The following PTPRD variants were observed in gnomAD, a reference collection of about 807,000 sequenced individuals.
PTPRD encodes receptor-type tyrosine-protein phosphatase delta.
PTPRD carries 34 observed loss-of-function variants against 214.5 expected under a neutral mutation model. The observed-to-expected ratio is 0.16, with a 90% CI of 0.12 to 0.21. PTPRD has a LOEUF of 0.21. Among genes scored for constraint, PTPRD ranks in the 10% least tolerant of loss-of-function variants. PTPRD has a pLI of 1.00. For synonymous variants in PTPRD, 1,128 were observed against 845.7 expected (o/e 1.33, Z -5.79); for missense variants, 2,545 against 2,398.7 (o/e 1.06, Z -1.27).
At chr9:8,332,831 G>T (rs1842800164) in intron 43 of PTPRD, among the ~76,000 whole-genome samples, 1 of 152,078 alleles carries the variant, frequency 6.6e-6, no homozygotes, top group Non-Finnish European at 1.5e-5. Flanking sequence ...ATTTGAAGAG[G>T]TCCTACTCCT....
chr9:8,691,339 G>T (rs1351686997), intron 12 of PTPRD, among the ~76,000 whole-genome samples: 2 of 151,472 alleles, frequency 1.3e-5, no homozygotes, highest in Non-Finnish European at 2.9e-5. Context: ...AACAATTTCT[G>T]AGGAGAGTGT....
chr9:8,945,400 C>G lies in PTPRD; in HGVS notation c.-104+73297G>C, dbSNP rs535640704. Reference sequence around the variant, plus strand: ...TCACCAAGACTTGTTCATCTTTTCACTTTTCCGTTTTTACTCTATTTCAAA... The same window carrying G: ...TCACCAAGACTTGTTCATCTTTTCAGTTTTCCGTTTTTACTCTATTTCAAA... On this transcript the variant is annotated intron_variant, in intron 11 of 45. Transcript: ENST00000381196. 1.5e-3 allele frequency among the ~76,000 whole-genome samples: 221 copies of G among 152,172 alleles called. 1 individual carries two copies. Among genetic ancestry groups the G allele is most frequent in the Non-Finnish European group, 2.2e-3 (148 of 67,976 alleles).
chr9:8,921,833 G>C (rs565648208), intron 11 of PTPRD, among the ~76,000 whole-genome samples: 2 of 152,054 alleles, frequency 1.3e-5, no homozygotes, highest in East Asian at 1.9e-4. Context: ...GCATAATCTT[G>C]GGGGAGCCAT....
intron 3 of PTPRD, among the ~76,000 whole-genome samples, chr9:10,269,032 C>T (rs7866465): frequency 0.051 from 7,830 of 152,170 alleles, 437 homozygotes; most frequent in East Asian, 0.14. Flanking sequence ...TCCCCTGGGA[C>T]AAAATCTCTA....
chr9:8,334,486 G>A (rs9695016), intron 43 of PTPRD, among the ~76,000 whole-genome samples: 6,126 of 106,204 alleles, frequency 0.058, 8 homozygotes, highest in East Asian at 0.14. Context: ...GTTCTTTGAA[G>A]CCAATGAGAA....
At chr9:9,977,731 G>T (rs976064129) in intron 4 of PTPRD, among the ~76,000 whole-genome samples, 3 of 152,102 alleles carry the variant, frequency 2.0e-5, no homozygotes, top group East Asian at 1.9e-4. Flanking sequence ...TTGTTATTTT[G>T]CTTTGAGTTA....
chr9:9,977,362 A>T (rs1209217608), intron 4 of PTPRD, among the ~76,000 whole-genome samples: 2 of 152,182 alleles, frequency 1.3e-5, no homozygotes, highest in Non-Finnish European at 2.9e-5. Flanking sequence ...ATACATTTAT[A>T]AATATAATGT....
chr9:9,818,915 C>CAAAA (rs58616042), intron 5 of PTPRD, among the ~76,000 whole-genome samples: 1 of 89,338 alleles, frequency 1.1e-5, no homozygotes, highest in African/African-American at 4.1e-5. Context: ...GACACTGTCT[C>CAAAA]AAAAAAAAAA....
At chr9:9,578,098 G>C (rs1018174933) in intron 7 of PTPRD, among the ~76,000 whole-genome samples, 7 of 138,640 alleles carry the variant, frequency 5.0e-5, no homozygotes, top group Admixed American at 1.5e-4. Flanking sequence ...TCTCTCATTT[G>C]TACTACTTAT....
chr9:8,446,950 T>G (rs2095755270), intron 34 of PTPRD, among the ~76,000 whole-genome samples: 2 of 152,214 alleles, frequency 1.3e-5, no homozygotes, highest in East Asian at 1.9e-4. Flanking sequence ...CTAAAATCTA[T>G]GCAGGCTGAA....
At chr9:8,451,562 T>C (rs189816973) in intron 33 of PTPRD, among the ~76,000 whole-genome samples, 121 of 152,324 alleles carry the variant, frequency 7.9e-4, no homozygotes, top group East Asian at 5.8e-4. Context: ...GTGTCTGTGC[T>C]ATGGGTCTTC....
chr9:10,052,658 A>C (rs1001957448), intron 3 of PTPRD, among the ~76,000 whole-genome samples: 3 of 152,180 alleles, frequency 2.0e-5, no homozygotes, highest in African/African-American at 7.2e-5. Context: ...CTAAGGTCAC[A>C]CAGCTAAAAA....
At chr9:10,440,925 T>A (rs904283569) in intron 2 of PTPRD, among the ~76,000 whole-genome samples, 1 of 151,776 alleles carries the variant, frequency 6.6e-6, no homozygotes, top group African/African-American at 2.4e-5. Context: ...AACCACTGAA[T>A]GTGAATCCCT....
intron 11 of PTPRD, among the ~76,000 whole-genome samples, chr9:8,869,849 C>G (rs2098264725): frequency 6.6e-6 from 1 of 152,062 alleles, no homozygotes. Context: ...TGAAGAAAGC[C>G]TCTAGCTGCT....
chr9:9,328,906 G>A (rs1424404702), intron 9 of PTPRD, among the ~76,000 whole-genome samples: 2 of 151,874 alleles, frequency 1.3e-5, no homozygotes, highest in Non-Finnish European at 2.9e-5. Context: ...CCAAAGTAAA[G>A]GGATTACAGG....
intron 8 of PTPRD, among the ~76,000 whole-genome samples, chr9:9,455,298 T>A (rs929296143): frequency 2.6e-5 from 4 of 151,542 alleles, no homozygotes; most frequent in Non-Finnish European, 5.9e-5. Context: ...TATTAATTTT[T>A]AAAAATATTA....
chr9:9,530,356 G>A (rs2075177152), intron 8 of PTPRD, among the ~76,000 whole-genome samples: 1 of 152,044 alleles, frequency 6.6e-6, no homozygotes, highest in Non-Finnish European at 1.5e-5. Context: ...ACTTTTATGA[G>A]CAACTATACA....
chr9:9,164,847 TACTAAAAC>T (rs781094177), intron 10 of PTPRD, among the ~76,000 whole-genome samples: 5 of 109,332 alleles, frequency 4.6e-5, no homozygotes, highest in Non-Finnish European at 9.6e-5. Flanking sequence ...ATCCTGTCTC[TACTAAAAC>T]AAAACAAAAC....
intron 5 of PTPRD, among the ~76,000 whole-genome samples, chr9:9,936,995 T>G (rs1335682714): frequency 6.6e-6 from 1 of 151,610 alleles, no homozygotes; most frequent in Non-Finnish European, 1.5e-5. Flanking sequence ...AAACCCCACA[T>G]ATTCTCACTC....
Sources: allele counts gnomAD v4.1 joint callset (sites outside exome capture counted in the v4.1 genomes callset), GRCh38; gene constraint gnomAD v4.1.1; transcripts MANE v1.5; gene names NCBI Gene and HGNC (gene_info 2026-07-23, HGNC 2026-07-21).